Variants in NUDCD3 observed in about 807,000 individuals in gnomAD.
NUDCD3 encodes NudC domain containing 3.
In NUDCD3, 13 loss-of-function variants were observed where a neutral mutation model predicts 39.7. The observed-to-expected ratio is 0.33, with a 90% CI of 0.21 to 0.52. The LOEUF is 0.52. Among genes scored for constraint, NUDCD3 ranks in the 20% least tolerant of loss-of-function variants. The probability of loss-of-function intolerance (pLI) is 0.96; values close to 1 mark genes in which losing one functional copy is unlikely to be tolerated. For missense variants in NUDCD3, 453 were observed against 458.1 expected (o/e 0.99, Z 0.10); for synonymous variants, 175 against 172.4 (o/e 1.02, Z -0.12).
At chr7:44,442,476 T>A (rs192579723) in intron 2 of NUDCD3, among the ~76,000 whole-genome samples, 1 of 152,076 alleles carries the variant, frequency 6.6e-6, no homozygotes, top group Admixed American at 6.5e-5. Context: ...AGTATGCACC[T>A]GGGGGACCCA....
At chr7:44,487,935 A>C (rs1800647039) in intron 1 of NUDCD3, among the ~76,000 whole-genome samples, 1 of 152,074 alleles carries the variant, frequency 6.6e-6, no homozygotes. Context: ...CCTGGACAAC[A>C]GAATGAGACT....
At chr7:44,423,814 A>G (rs1563172287) in intron 3 of NUDCD3, among the ~76,000 whole-genome samples, 1 of 152,242 alleles carries the variant, frequency 6.6e-6, no homozygotes, top group Non-Finnish European at 1.5e-5. Context: ...ATATGGAACC[A>G]AAGAACAGCC....
At chr7:44,426,676 G>A (rs1168523529) in intron 3 of NUDCD3, among the ~76,000 whole-genome samples, 1 of 151,112 alleles carries the variant, frequency 6.6e-6, no homozygotes, top group Non-Finnish European at 1.5e-5. Flanking sequence ...GGCGCCTGTA[G>A]TCCCAGCTAC....
intron 4 of NUDCD3, 42 bp from the exon 5 acceptor site, chr7:44,392,527 ACAGGTGT>A: frequency 1.9e-6 from 3 of 1,572,982 alleles, no homozygotes; most frequent in Non-Finnish European, 2.6e-6. Context: ...GAGACCTGAG[ACAGGTGT>A]CCAGGGCTGG....
Position 44,385,899 on chromosome 7 carries a change from T to C in NUDCD3, c.*112A>G. On this transcript the variant is annotated 3_prime_UTR_variant, in exon 6 of 6. Coordinates refer to ENST00000355451, the MANE Select transcript of NUDCD3 (RefSeq NM_015332.4). ...CCTGGTTCACCCTTGAAAGAAAGGA[T>C]GGCTAGGGGTAAACAAGACGAGCAA... The C allele has an allele frequency of 1.5e-6, 1 of 660,124 alleles. No individual in the cohort carries two copies. 40.9% of individuals were successfully genotyped at this position (660,124 alleles called of 1,614,324 possible). A position where few individuals can be genotyped will look rare whatever the true frequency, so the allele number is the denominator to read the frequency against.
At chr7:44,399,808 C>G (rs746987819) in intron 4 of NUDCD3, among the ~76,000 whole-genome samples, 3 of 152,190 alleles carry the variant, frequency 2.0e-5, no homozygotes, top group Non-Finnish European at 2.9e-5. Context: ...GAGGTGGATA[C>G]AGCTTGCACA....
intron 2 of NUDCD3, among the ~76,000 whole-genome samples, chr7:44,469,807 T>C (rs907260930): frequency 4.3e-5 from 6 of 138,266 alleles, no homozygotes; most frequent in African/African-American, 1.4e-4. Context: ...GACAAAACTA[T>C]AATGAGGGAC....
At chr7:44,476,130 G>T (rs975334891) in intron 2 of NUDCD3, among the ~76,000 whole-genome samples, 4 of 152,062 alleles carry the variant, frequency 2.6e-5, no homozygotes, top group Non-Finnish European at 5.9e-5. Flanking sequence ...AAAAAGCCTC[G>T]ACTAGTAAAG....
intron 2 of NUDCD3, chr7:44,471,936 T>C (rs906688372): frequency 2.0e-5 from 3 of 152,310 alleles, no homozygotes; most frequent in Admixed American, 6.5e-5. Context: ...ACCCAGTCTA[T>C]GGTTAAATGC....
chr7:44,386,582 A>C (rs138809627), intron 5 of NUDCD3, among the ~76,000 whole-genome samples: 1 of 152,318 alleles, frequency 6.6e-6, no homozygotes, highest in East Asian at 1.9e-4. Context: ...TGTGCAGAGG[A>C]GATACCCTAG....
Position 44,382,796 on chromosome 7 carries a change from G to A in NUDCD3, c.*3215C>T, listed in dbSNP as rs1798328503. ...AGTGGAGAGCAGATTTGAGGTGGGG[G>A]TGAGGTCTGTTCCCCAAGCGCAGTG... On this transcript the variant is annotated 3_prime_UTR_variant, in exon 6 of 6. Coordinates refer to ENST00000355451, the MANE Select transcript of NUDCD3 (RefSeq NM_015332.4). 1 of 152,386 alleles carries A rather than the reference G, an allele frequency of 6.6e-6. No individual in the cohort carries two copies. The highest frequency in any genetic ancestry group is 6.5e-5 in the Admixed American group (1 of 15,290). The allele number at this position is 152,386 out of a possible 1,614,324, so 9.4% of individuals were successfully genotyped here.
intron 3 of NUDCD3, among the ~76,000 whole-genome samples, chr7:44,408,821 G>A (rs577963416): frequency 2.2e-4 from 33 of 152,314 alleles, no homozygotes; most frequent in Middle Eastern, 3.4e-3. Context: ...CTGGTACAGC[G>A]TAGCAGCCAT....
intron 1 of NUDCD3, among the ~76,000 whole-genome samples, chr7:44,488,839 A>C (rs1800672705): frequency 6.6e-6 from 1 of 152,172 alleles, no homozygotes; most frequent in South Asian, 2.1e-4. Context: ...TACCAGGTAA[A>C]TGAGTTACCA....
chr7:44,407,244 G>A (rs1798840528), intron 3 of NUDCD3, among the ~76,000 whole-genome samples: 1 of 148,346 alleles, frequency 6.7e-6, no homozygotes, highest in African/African-American at 2.5e-5. Flanking sequence ...ACACTCAAGA[G>A]AATGGGAGAA....
intron 2 of NUDCD3, among the ~76,000 whole-genome samples, chr7:44,469,039 C>G (rs1019256186): frequency 5.3e-5 from 8 of 149,754 alleles, no homozygotes; most frequent in African/African-American, 2.0e-4. Context: ...GCATAAGGCC[C>G]CAGCACACCA....
chr7:44,433,822 G>A (rs909516851), intron 2 of NUDCD3, among the ~76,000 whole-genome samples: 1 of 151,972 alleles, frequency 6.6e-6, no homozygotes, highest in South Asian at 2.1e-4. Context: ...GGCTCCCCAC[G>A]GCCCAGGAGA....
intron 2 of NUDCD3, chr7:44,468,212 A>G: frequency 6.3e-7 from 1 of 1,599,048 alleles, no homozygotes; most frequent in Non-Finnish European, 8.5e-7. Flanking sequence ...TGTTTCCTCC[A>G]AGAACCGCAA....
At chr7:44,443,748 T>C (rs993300104) in intron 2 of NUDCD3, among the ~76,000 whole-genome samples, 1 of 152,172 alleles carries the variant, frequency 6.6e-6, no homozygotes, top group Non-Finnish European at 1.5e-5. Context: ...GGATGCTGTT[T>C]AGGCTGAGGT....
intron 2 of NUDCD3, among the ~76,000 whole-genome samples, chr7:44,466,844 C>T (rs1056386966): frequency 6.6e-6 from 1 of 152,292 alleles, no homozygotes. Flanking sequence ...TGCAAACACC[C>T]CCGCTTCCCA....
Sources: allele counts gnomAD v4.1 joint callset (sites outside exome capture counted in the v4.1 genomes callset), GRCh38; gene constraint gnomAD v4.1.1; transcripts MANE v1.5; gene names NCBI Gene and HGNC (gene_info 2026-07-23, HGNC 2026-07-21).